COL5A2: variants seen among roughly 807,000 people sequenced by gnomAD.
COL5A2 encodes collagen type V alpha 2 chain.
Under a neutral mutation model 208.2 loss-of-function variants are expected in COL5A2, and 23 were observed. That is an observed-to-expected ratio of 0.11 (90% CI 0.08 to 0.16). The LOEUF (loss-of-function observed/expected upper bound fraction) is 0.16. Among genes scored for constraint, COL5A2 ranks in the 10% least tolerant of loss-of-function variants. The pLI, the probability that COL5A2 is intolerant of heterozygous loss-of-function variation, is 1.00. For synonymous variants in COL5A2, 625 were observed against 628.5 expected (o/e 0.99, Z 0.08); for missense variants, 1,590 against 1,956.4 (o/e 0.81, Z 3.53).
At chr2:189,313,654 G>A in the COL5A2 span, among the ~76,000 whole-genome samples, 36 of 152,072 alleles carry the variant, frequency 2.4e-4, no homozygotes, top group Non-Finnish European at 4.6e-4. Flanking sequence ...TGACAAGCTG[G>A]ATAAAGAACC....
At chr2:189,087,842 T>TAAA (rs61206173) in intron 8 of COL5A2, among the ~76,000 whole-genome samples, 17,279 of 150,540 alleles carry the variant, frequency 0.11, 1,029 homozygotes, top group Middle Eastern at 0.18. Context: ...AAGCTCCATT[T>TAAA]AAAAAAAACC....
chr2:189,035,213 C>A, intron 52 of COL5A2, 58 bp from the exon 53 acceptor site: 2 of 1,599,688 alleles, frequency 1.3e-6, no homozygotes, highest in African/African-American at 1.3e-5. Context: ...TAATGCCTTA[C>A]ACATGTATAG....
the COL5A2 span, among the ~76,000 whole-genome samples, chr2:189,437,483 G>C: frequency 7.9e-5 from 12 of 152,086 alleles, no homozygotes; most frequent in Non-Finnish European, 1.6e-4. Flanking sequence ...CTAAAATTTC[G>C]CTTTAGCCAC....
the COL5A2 span, among the ~76,000 whole-genome samples, chr2:189,269,391 T>C: frequency 6.6e-6 from 1 of 152,150 alleles, no homozygotes; most frequent in African/African-American, 2.4e-5. Flanking sequence ...AAATAACTCT[T>C]ATTATTTTGA....
At chr2:189,056,815 AC>A (rs1685909798) in intron 35 of COL5A2, 157 bp downstream of exon 35, 2 of 742,828 alleles carry the variant, frequency 2.7e-6, no homozygotes, top group African/African-American at 3.5e-5. Context: ...AAATGAATAA[AC>A]CGTGGTTGAA....
intron 1 of COL5A2, among the ~76,000 whole-genome samples, chr2:189,114,491 T>C (rs1687347572): frequency 6.6e-6 from 1 of 152,136 alleles, no homozygotes; most frequent in Admixed American, 6.6e-5. Context: ...AATTATTTTA[T>C]AAATGACAAC....
chr2:189,262,585 T>A, the COL5A2 span, among the ~76,000 whole-genome samples: 5 of 152,080 alleles, frequency 3.3e-5, no homozygotes, highest in Non-Finnish European at 5.9e-5. Flanking sequence ...GTCTTCTTTA[T>A]AAAAAATATT....
chr2:189,104,442 T>C (rs1687111506), intron 2 of COL5A2, among the ~76,000 whole-genome samples, 165 bp from the exon 3 acceptor site: 1 of 151,940 alleles, frequency 6.6e-6, no homozygotes, highest in African/African-American at 2.4e-5. Flanking sequence ...GATCAATACT[T>C]CCATAAAAGG....
At chr2:189,078,400 A>G in intron 16 of COL5A2, 116 bp downstream of exon 16, 1 of 838,388 alleles carries the variant, frequency 1.2e-6, no homozygotes. Context: ...AAAAAGAAAA[A>G]AAAAAAAGGT....
At chr2:189,231,819 A>G in the COL5A2 span, among the ~76,000 whole-genome samples, 2 of 151,748 alleles carry the variant, frequency 1.3e-5, no homozygotes, top group Non-Finnish European at 2.9e-5. Context: ...TGTTCCAACA[A>G]GACAGTCTTT....
intron 44 of COL5A2, 23 bp downstream of exon 44, chr2:189,049,324 G>T (rs1242181674): frequency 2.0e-6 from 3 of 1,505,992 alleles, no homozygotes; most frequent in Non-Finnish European, 2.8e-6. Flanking sequence ...CAAGAGAAGA[G>T]TTATTTTCAC....
At chr2:189,146,403 A>G (rs1347220861) in intron 1 of COL5A2, among the ~76,000 whole-genome samples, 2 of 152,146 alleles carry the variant, frequency 1.3e-5, no homozygotes, top group African/African-American at 4.8e-5. Context: ...TAATCCCATC[A>G]TAGACATACA....
chr2:189,312,870 G>A, the COL5A2 span, among the ~76,000 whole-genome samples: 4 of 148,810 alleles, frequency 2.7e-5, no homozygotes, highest in Non-Finnish European at 3.0e-5. Context: ...GACTGTTAAA[G>A]GAAAAAAAAA....
At chr2:189,354,467 G>C in the COL5A2 span, among the ~76,000 whole-genome samples, 1 of 152,050 alleles carries the variant, frequency 6.6e-6, no homozygotes, top group African/African-American at 2.4e-5. Flanking sequence ...ACTTGTTATT[G>C]GTCTATTTAG....
the COL5A2 span, among the ~76,000 whole-genome samples, chr2:189,375,905 C>T: frequency 6.6e-6 from 1 of 152,168 alleles, no homozygotes; most frequent in African/African-American, 2.4e-5. Context: ...GCTGGGGAAG[C>T]TTTTGACTCA....
intron 26 of COL5A2, among the ~76,000 whole-genome samples, 153 bp from the exon 27 acceptor site, chr2:189,063,423 T>C (rs1324562667): frequency 6.6e-6 from 1 of 152,254 alleles, no homozygotes; most frequent in Admixed American, 6.5e-5. Flanking sequence ...GAATGGGTTT[T>C]TTAAAAAACA....
chr2:189,256,913 C>A, the COL5A2 span, among the ~76,000 whole-genome samples: 1 of 152,346 alleles, frequency 6.6e-6, no homozygotes, highest in South Asian at 2.1e-4. Context: ...CAGGCGTAAG[C>A]CACCGCGCCC....
At chr2:189,295,531 C>T in the COL5A2 span, among the ~76,000 whole-genome samples, 5 of 152,204 alleles carry the variant, frequency 3.3e-5, no homozygotes, top group Non-Finnish European at 7.3e-5. Context: ...AGGAGAATCA[C>T]TTGAACCCGG....
At chr2:189,294,810 G>GT in the COL5A2 span, among the ~76,000 whole-genome samples, 1 of 151,758 alleles carries the variant, frequency 6.6e-6, no homozygotes, top group Non-Finnish European at 1.5e-5. Flanking sequence ...TTTTTGTTTT[G>GT]TTTTTTGGCA....
Sources: allele counts gnomAD v4.1 joint callset (sites outside exome capture counted in the v4.1 genomes callset), GRCh38; gene constraint gnomAD v4.1.1; transcripts MANE v1.5; gene names NCBI Gene and HGNC (gene_info 2026-07-23, HGNC 2026-07-21).